The following ACTR3B variants were observed in gnomAD, a reference collection of about 807,000 sequenced individuals.
ACTR3B encodes actin related protein 3B, also known as actin-related protein 3B.
ACTR3B carries 8 observed loss-of-function variants against 59.0 expected under a neutral mutation model. That is an observed-to-expected ratio of 0.14 (90% CI 0.08 to 0.24). The LOEUF (loss-of-function observed/expected upper bound fraction) is 0.24, where lower values mean the gene tolerates loss of function less well. Among genes scored for constraint, ACTR3B ranks in the 10% least tolerant of loss-of-function variants. ACTR3B has a pLI of 1.00. For synonymous variants in ACTR3B, 148 were observed against 197.9 expected, an observed-to-expected ratio of 0.75 and a Z score of 2.12; for missense variants, 245 against 552.3, an observed-to-expected ratio of 0.44 and a Z score of 5.58.
Position 152,816,546 on chromosome 7 carries a change from A to C in ACTR3B, c.498A>C (p.Ile166=). 6.2e-7 allele frequency: 1 copy of C among 1,605,348 alleles called. No homozygotes were observed. The highest frequency in any genetic ancestry group is 1.1e-5 in the South Asian group (1 of 89,200). The change falls in exon 6 of 12, where the codon ATA becomes ATC. Residue 166 remains isoleucine (I), a synonymous_variant. Coordinates refer to ENST00000256001, the MANE Select transcript of ACTR3B (RefSeq NM_020445.6). ...RQVGERTLTG[I]VIDSGDGVTH... is the part of the protein sequence containing the mutation. Reference sequence around the variant, plus strand: ...TGGGTGAACGTACGTTAACGGGGATAGTCATTGACAGCGGAGATGGAGTCA... The same window carrying C: ...TGGGTGAACGTACGTTAACGGGGATCGTCATTGACAGCGGAGATGGAGTCA...
chr7:152,808,542 TC>T (rs1001695074), intron 4 of ACTR3B, among the ~76,000 whole-genome samples: 64 of 152,236 alleles, frequency 4.2e-4, no homozygotes, highest in African/African-American at 1.4e-3. Context: ...GGTGATGTCT[TC>T]CTACAGGTCT....
At chr7:152,789,662 G>C (rs1241227754) in intron 2 of ACTR3B, among the ~76,000 whole-genome samples, 1 of 151,246 alleles carries the variant, frequency 6.6e-6, no homozygotes, top group African/African-American at 2.4e-5. Flanking sequence ...TGGTTATTTT[G>C]TCTCTTCCAA....
chr7:152,845,032 A>G (rs987244533), intron 9 of ACTR3B, among the ~76,000 whole-genome samples: 1 of 148,386 alleles, frequency 6.7e-6, no homozygotes, highest in Non-Finnish European at 1.5e-5. Context: ...TGGTGAGACC[A>G]TCTTGTCCAC....
At chr7:152,827,706 C>T (rs1181247226) in intron 9 of ACTR3B, among the ~76,000 whole-genome samples, 1 of 151,960 alleles carries the variant, frequency 6.6e-6, no homozygotes, top group African/African-American at 2.4e-5. Context: ...TCACGTGGGC[C>T]AGCCTCCACC....
intron 2 of ACTR3B, among the ~76,000 whole-genome samples, chr7:152,787,430 C>T (rs1310082559): frequency 6.6e-6 from 1 of 151,888 alleles, no homozygotes; most frequent in East Asian, 1.9e-4. Context: ...CTTTTATCAT[C>T]TAGAAATTTA....
chr7:152,774,320 G>C (rs769952993), intron 1 of ACTR3B, among the ~76,000 whole-genome samples: 1 of 152,194 alleles, frequency 6.6e-6, no homozygotes, highest in African/African-American at 2.4e-5. Flanking sequence ...ATTTTTAGTA[G>C]AGATGGGGTT....
chr7:152,832,881 A>G (rs1488779695), intron 9 of ACTR3B, among the ~76,000 whole-genome samples: 1 of 152,186 alleles, frequency 6.6e-6, no homozygotes, highest in African/African-American at 2.4e-5. Context: ...TCTTTCCTTA[A>G]TGTTGACCAC....
At chr7:152,768,839 GT>G (rs1445595593) in intron 1 of ACTR3B, among the ~76,000 whole-genome samples, 4 of 151,424 alleles carry the variant, frequency 2.6e-5, no homozygotes, top group Non-Finnish European at 5.9e-5. Context: ...TATTAATTAT[GT>G]TATTTAGGGC....
intron 5 of ACTR3B, among the ~76,000 whole-genome samples, chr7:152,815,589 G>T (rs2116827596): frequency 6.6e-6 from 1 of 152,306 alleles, no homozygotes; most frequent in Admixed American, 6.5e-5. Context: ...TTTGTTGTGG[G>T]CGCCGCCGTG....
At chr7:152,849,401 T>C (rs1798619728) in intron 9 of ACTR3B, among the ~76,000 whole-genome samples, 1 of 152,140 alleles carries the variant, frequency 6.6e-6, no homozygotes, top group Admixed American at 6.5e-5. Flanking sequence ...ACCGCCCTGG[T>C]TCCCAGCCCT....
At chr7:152,759,968 C>A (rs556017240) in intron 1 of ACTR3B, 42 bp downstream of exon 1, 1 of 1,316,940 alleles carries the variant, frequency 7.6e-7, no homozygotes, top group Non-Finnish European at 9.7e-7. Flanking sequence ...TCCGCGGCCC[C>A]GCTCCCGGCC....
Position 152,852,351 on chromosome 7 carries a change from A to G in ACTR3B, c.1077+100A>G, listed in dbSNP as rs1171499549. On this transcript the variant is annotated intron_variant, in intron 10 of 11. Coordinates refer to ENST00000256001, the MANE Select transcript of ACTR3B (RefSeq NM_020445.6). ...CCGAAGGAGCTTGTCTGGGCCGCGTAAAATAAAAACAAGTGTTCATCGCTT... is the reference window on the plus strand; with the variant it reads ...CCGAAGGAGCTTGTCTGGGCCGCGTGAAATAAAAACAAGTGTTCATCGCTT... 3 of 1,421,488 alleles carry G rather than the reference A, an allele frequency of 2.1e-6. No homozygotes were observed. The Middle Eastern group carries it at 7.7e-4, about 364-fold the overall frequency. 88.1% of individuals were successfully genotyped at this position (1,421,488 alleles called of 1,614,324 possible).
chr7:152,854,478 C>T lies in ACTR3B; in HGVS notation c.1182C>T (p.Cys394=). The change falls in exon 12 of 12, where the codon TGC becomes TGT. Residue 394 remains cysteine (C), a synonymous_variant. Coordinates refer to ENST00000256001, the MANE Select transcript of ACTR3B (RefSeq NM_020445.6). The surrounding 1 kb of genome is among the most constrained non-coding windows in gnomAD (Gnocchi z 4.9). The part of the protein sequence containing the change: ...LASTPEFFQV[C]HTKKDYEEYG... ...CGTAGCCCGAGTTCTTTCAGGTCTG[C>T]CACACCAAGAAGGACTATGAAGAGT... 1 of 1,614,108 alleles carries T rather than the reference C, an allele frequency of 6.2e-7. No homozygotes were observed. Among genetic ancestry groups the T allele is most frequent in the Non-Finnish European group, 8.5e-7 (1 of 1,180,008 alleles).
chr7:152,840,563 A>T (rs1797800117), intron 9 of ACTR3B, among the ~76,000 whole-genome samples: 1 of 149,806 alleles, frequency 6.7e-6, no homozygotes, highest in Admixed American at 6.6e-5. Flanking sequence ...GGCTGGGGTC[A>T]GATTGTGAAG....
chr7:152,763,043 C>T (rs1306088100), intron 1 of ACTR3B, among the ~76,000 whole-genome samples: 8 of 152,178 alleles, frequency 5.3e-5, no homozygotes, highest in East Asian at 1.9e-4. Context: ...TGGCTGGGCG[C>T]GGTGGCTCAT....
intron 4 of ACTR3B, among the ~76,000 whole-genome samples, chr7:152,809,355 AG>A (rs1450678084): frequency 6.6e-6 from 1 of 151,796 alleles, no homozygotes; most frequent in African/African-American, 2.4e-5. Context: ...TGTTTGAAGA[AG>A]TGATGCACAC....
intron 2 of ACTR3B, among the ~76,000 whole-genome samples, chr7:152,785,511 G>GA (rs1395722210): frequency 3.5e-5 from 4 of 113,048 alleles, no homozygotes; most frequent in South Asian, 3.3e-4. Flanking sequence ...GAGAGAGAGA[G>GA]GAGAGAGAAG....
At chr7:152,798,366 C>T (rs1045964500) in intron 2 of ACTR3B, among the ~76,000 whole-genome samples, 1 of 152,118 alleles carries the variant, frequency 6.6e-6, no homozygotes, top group Non-Finnish European at 1.5e-5. Flanking sequence ...GTCTCTTGCT[C>T]ATTTTTCACT....
intron 4 of ACTR3B, among the ~76,000 whole-genome samples, chr7:152,803,912 G>T (rs1388317023): frequency 1.3e-5 from 2 of 152,112 alleles, no homozygotes; most frequent in South Asian, 2.1e-4. Flanking sequence ...TTTCCTTCAG[G>T]TATTTGTCCT....
Sources: allele counts gnomAD v4.1 joint callset (sites outside exome capture counted in the v4.1 genomes callset), GRCh38; gene constraint gnomAD v4.1.1; non-coding constraint Gnocchi (gnomAD v3.1); transcripts MANE v1.5; gene names NCBI Gene and HGNC (gene_info 2026-07-23, HGNC 2026-07-21).